The following NPHP1 variants were observed in gnomAD, a reference collection of about 807,000 sequenced individuals.
NPHP1 encodes nephrocystin-1.
A neutral mutation model predicts 90.4 loss-of-function variants in NPHP1; 70 were observed. The observed-to-expected ratio is 0.77, with a 90% CI of 0.64 to 0.95. The LOEUF (loss-of-function observed/expected upper bound fraction) is 0.95. Among genes scored for constraint, NPHP1 ranks in the 40% least tolerant of loss-of-function variants. The pLI is 0.00. For synonymous variants in NPHP1, 256 were observed against 271.7 expected, an observed-to-expected ratio of 0.94 and a Z score of 0.57; for missense variants, 764 against 795.9, an observed-to-expected ratio of 0.96 and a Z score of 0.48.
At chr2:110,199,393 C>A (rs1216443727) in intron 2 of NPHP1, among the ~76,000 whole-genome samples, 1 of 150,436 alleles carries the variant, frequency 6.6e-6, no homozygotes, top group Non-Finnish European at 1.5e-5. Context: ...AAGATCATGA[C>A]AGAGTGAGAC....
intron 2 of NPHP1, chr2:110,184,521 G>C: frequency 2.5e-6 from 3 of 1,204,802 alleles, no homozygotes; most frequent in Non-Finnish European, 3.6e-6. Flanking sequence ...GACCACGGGG[G>C]TGGTGCTGGA....
chr2:110,186,305 A>G (rs1684281634), intron 2 of NPHP1, among the ~76,000 whole-genome samples: 1 of 152,194 alleles, frequency 6.6e-6, no homozygotes, highest in Non-Finnish European at 1.5e-5. Flanking sequence ...GGTGTTGGAG[A>G]GCCAGTGTCC....
Position 110,191,228 on chromosome 2 carries a change from C to T in NPHP1, c.143+10193G>A, listed in dbSNP as rs559884214. ...AAGCAGGGCGAGGCATTGCCTCACC[C>T]GGGAAGCACAAGGGACAAGGGAATT... On this transcript the variant is annotated intron_variant, in intron 2 of 19. Transcript: ENST00000445609. Among the ~76,000 whole-genome samples, 89 of 152,226 alleles carry T rather than the reference C, an allele frequency of 5.8e-4. 2 individuals carry two copies. In the South Asian group the frequency reaches 0.017, roughly 30 times the overall value.
intron 2 of NPHP1, chr2:110,184,191 C>A: frequency 1.8e-6 from 1 of 564,330 alleles, no homozygotes; most frequent in South Asian, 1.4e-5. Context: ...CATGCATATT[C>A]GTATCATGGC....
intron 2 of NPHP1, among the ~76,000 whole-genome samples, chr2:110,199,635 A>C (rs1685430788): frequency 6.6e-6 from 1 of 152,084 alleles, no homozygotes; most frequent in Admixed American, 6.5e-5. Context: ...CCCCCAAAAA[A>C]ACATCTCCCA....
At chr2:110,169,273 A>G (rs899963167) in intron 5 of NPHP1, among the ~76,000 whole-genome samples, 1 of 152,134 alleles carries the variant, frequency 6.6e-6, no homozygotes, top group Non-Finnish European at 1.5e-5. Flanking sequence ...GAAGTTTAAT[A>G]TAAGAACTAA....
chr2:110,201,490 T>C lies in NPHP1; in HGVS notation c.74A>G (p.Asp25Gly), dbSNP rs1483524844. 1.8e-5 allele frequency: 29 copies of C among 1,606,638 alleles called. No individual in the cohort carries two copies. The highest frequency in any genetic ancestry group is 2.4e-5 in the Non-Finnish European group (28 of 1,174,596). Residue 25 changes from aspartate to glycine, a missense_variant, in exon 2 of 20, where the codon GAT becomes GGT. Asp to Gly is a moderately conservative substitution (Grantham distance 94). Coordinates refer to ENST00000445609, the MANE Select transcript of NPHP1 (RefSeq NM_001128178.3). The stretch of plus-strand genomic sequence containing the variant: ...CAGTTGGCTCTCAGAAAGCAAACTA[T>C]CAACCTATGGAGACCATTTAAAATA... ...RRNQELKQQV[D>G]SLLSESQLKE...
chr2:110,184,250 C>G, intron 2 of NPHP1: 1 of 581,726 alleles, frequency 1.7e-6, no homozygotes, highest in Non-Finnish European at 3.4e-6. Context: ...CCAAGGAGCA[C>G]CAAGGGCTGC....
At chr2:110,183,407 A>T (rs958748777) in intron 2 of NPHP1, among the ~76,000 whole-genome samples, 2 of 152,168 alleles carry the variant, frequency 1.3e-5, no homozygotes, top group African/African-American at 4.8e-5. Flanking sequence ...ATTTCGGCCC[A>T]TCCCTTTATT....
intron 11 of NPHP1, 119 bp downstream of exon 11, chr2:110,160,008 T>G (rs901784762): frequency 9.5e-7 from 1 of 1,052,622 alleles, no homozygotes; most frequent in Non-Finnish European, 1.4e-6. Context: ...CAAATTTTTC[T>G]TTGGTACTAG....
chr2:110,157,321 GA>G (rs935421270), intron 11 of NPHP1, among the ~76,000 whole-genome samples: 4 of 152,060 alleles, frequency 2.6e-5, no homozygotes, highest in African/African-American at 9.7e-5. Context: ...CCAGATGTAT[GA>G]AACAGAAACC....
At chr2:110,186,474 G>A (rs539204400) in intron 2 of NPHP1, among the ~76,000 whole-genome samples, 1 of 152,244 alleles carries the variant, frequency 6.6e-6, no homozygotes, top group Admixed American at 6.5e-5. Context: ...CCAGACCAGA[G>A]TGCCAGGAGC....
intron 5 of NPHP1, among the ~76,000 whole-genome samples, 154 bp downstream of exon 5, chr2:110,169,652 T>C (rs1682970693): frequency 6.6e-6 from 1 of 152,152 alleles, no homozygotes; most frequent in African/African-American, 2.4e-5. Context: ...CTCATATTAC[T>C]ACTGCTTGTA....
intron 4 of NPHP1, 49 bp from the exon 5 acceptor site, chr2:110,170,047 C>G: frequency 6.2e-7 from 1 of 1,609,886 alleles, no homozygotes; most frequent in Non-Finnish European, 8.5e-7. Context: ...TATACAAGAA[C>G]AGACCAGCTA....
At chr2:110,125,472 G>T in intron 19 of NPHP1, 165 bp downstream of exon 19, 1 of 1,115,690 alleles carries the variant, frequency 9.0e-7, no homozygotes, top group Non-Finnish European at 1.4e-6. Flanking sequence ...ACGATCATGC[G>T]TAACCCTCTT....
chr2:110,179,690 T>A lies in NPHP1; in HGVS notation c.144-6A>T. On this transcript the variant is annotated splice_region_variant and splice_polypyrimidine_tract_variant and intron_variant, in intron 2 of 19. Transcript: ENST00000445609. ...CCTGCTTTAACTGGATACATCTAAA[T>A]TAAGAAAAAAAAGAAAATATATTGA... 1 of 1,214,478 alleles carries A rather than the reference T, an allele frequency of 8.2e-7. No homozygotes were observed. Among genetic ancestry groups the A allele is most frequent in the Admixed American group, 1.8e-5 (1 of 56,556 alleles). 75.2% of individuals were successfully genotyped at this position (1,214,478 alleles called of 1,614,324 possible). A position where few individuals can be genotyped will look rare whatever the true frequency, so the allele number is the denominator to read the frequency against.
chr2:110,164,939 TCC>T lies in NPHP1; in HGVS notation c.728+111_728+112del, dbSNP rs1009471126. On this transcript the variant is annotated intron_variant, in intron 7 of 19. Transcript: ENST00000445609. ...AAGCAGACAATAGTATGAAAAGCTCTCCAGGTACAAGTTGTCTCCATTTCAAG... is the reference window on the plus strand; with the variant it reads ...AAGCAGACAATAGTATGAAAAGCTCTAGGTACAAGTTGTCTCCATTTCAAG... 3.2e-6 allele frequency: 3 copies of T among 941,200 alleles called. No homozygotes were observed. In the African/African-American group the frequency reaches 4.9e-5, roughly 15 times the overall value. 58.3% of individuals were successfully genotyped at this position (941,200 alleles called of 1,614,324 possible).
intron 12 of NPHP1, among the ~76,000 whole-genome samples, chr2:110,148,797 G>C (rs1681254599): frequency 6.6e-6 from 1 of 152,130 alleles, no homozygotes; most frequent in Non-Finnish European, 1.5e-5. Context: ...ACACATATTT[G>C]CTCAACTTTC....
chr2:110,161,546 T>C, intron 10 of NPHP1, 57 bp downstream of exon 10: 1 of 1,138,106 alleles, frequency 8.8e-7, no homozygotes, highest in Non-Finnish European at 1.3e-6. Flanking sequence ...TTTGTCTAAT[T>C]GCAACTATGA....
Sources: gnomAD v4.1 joint callset for allele counts (sites outside exome capture counted in the v4.1 genomes callset) on GRCh38, gnomAD v4.1.1 for gene constraint, MANE v1.5 for transcripts, NCBI Gene and HGNC (gene_info 2026-07-23, HGNC 2026-07-21) for gene names.